MAP2K4: variants seen among roughly 807,000 people sequenced by gnomAD.
MAP2K4 encodes the protein dual specificity mitogen-activated protein kinase kinase 4.
In MAP2K4, 4 loss-of-function variants were observed where a neutral mutation model predicts 48.5. The ratio of observed to expected loss-of-function variants is 0.08; its 90% CI spans 0.04 to 0.19. The LOEUF is 0.19. Among genes scored for constraint, MAP2K4 ranks in the 10% least tolerant of loss-of-function variants. The pLI is 1.00. For synonymous variants in MAP2K4, 166 were observed against 173.1 expected, an observed-to-expected ratio of 0.96 and a Z score of 0.32; for missense variants, 258 against 493.3, an observed-to-expected ratio of 0.52 and a Z score of 4.52.
chr17:12,140,997 G>T, intron 10 of MAP2K4, 150 bp from the exon 11 acceptor site: 1 of 626,422 alleles, frequency 1.6e-6, no homozygotes, highest in Non-Finnish European at 2.9e-6. Flanking sequence ...AATAAAGGCT[G>T]TACTCGCCTC....
chr17:12,071,814 G>T (rs1970819631), intron 2 of MAP2K4, among the ~76,000 whole-genome samples: 1 of 152,166 alleles, frequency 6.6e-6, no homozygotes, highest in Non-Finnish European at 1.5e-5. Context: ...TTTGTTGAGA[G>T]CCTTTTTGTC....
At chr17:12,039,125 C>A (rs1969696048) in intron 1 of MAP2K4, among the ~76,000 whole-genome samples, 1 of 152,204 alleles carries the variant, frequency 6.6e-6, no homozygotes. Flanking sequence ...AAACCTAAAA[C>A]TCTCCTGGCC....
intron 8 of MAP2K4, among the ~76,000 whole-genome samples, chr17:12,126,715 C>T (rs765515398): frequency 6.6e-6 from 1 of 152,240 alleles, no homozygotes; most frequent in Non-Finnish European, 1.5e-5. Context: ...TGGGGACACA[C>T]AAACATTCAG....
chr17:12,105,287 A>G (rs765554020), intron 4 of MAP2K4, among the ~76,000 whole-genome samples: 6 of 152,048 alleles, frequency 3.9e-5, no homozygotes, highest in African/African-American at 4.8e-5. Context: ...GAATCTTCAC[A>G]TTTGTAATCA....
intron 1 of MAP2K4, among the ~76,000 whole-genome samples, chr17:12,036,889 C>T (rs780177995): frequency 7.7e-6 from 1 of 130,300 alleles, no homozygotes; most frequent in East Asian, 2.9e-4. Flanking sequence ...TATCACTATC[C>T]TCCCCCCCGC....
Position 12,095,643 on chromosome 17 carries a change from G to T in MAP2K4, c.462G>T (p.Arg154=). Residue 154 remains arginine, a synonymous_variant, in exon 4 of 11, where the codon CGG becomes CGT. Coordinates refer to ENST00000353533, the MANE Select transcript of MAP2K4 (RefSeq NM_003010.4). ...QLLMDLDVVM[R]SSDCPYIVQF... ...TTATGGATTTGGATGTAGTAATGCG[G>T]AGTAGTGATTGCCCATACATTGTTC... The T allele has an allele frequency of 1.2e-6, 2 of 1,613,968 alleles. No individual in the cohort carries two copies. Among genetic ancestry groups the T allele is most frequent in the Non-Finnish European group, 8.5e-7 (1 of 1,179,932 alleles).
At chr17:12,024,196 A>G (rs1432549348) in intron 1 of MAP2K4, among the ~76,000 whole-genome samples, 6 of 152,198 alleles carry the variant, frequency 3.9e-5, no homozygotes, top group East Asian at 1.9e-4. Context: ...ATGAATTACA[A>G]TGTGAACGAT....
chr17:12,047,163 G>T (rs950739943), intron 1 of MAP2K4, among the ~76,000 whole-genome samples: 26 of 148,718 alleles, frequency 1.7e-4, no homozygotes, highest in Middle Eastern at 3.5e-3. Flanking sequence ...GAATTATTTT[G>T]TTTTTTTTTT....
chr17:12,128,833 A>G (rs1972939740), intron 8 of MAP2K4, among the ~76,000 whole-genome samples: 1 of 152,242 alleles, frequency 6.6e-6, no homozygotes, highest in African/African-American at 2.4e-5. Context: ...CTTATAAAGA[A>G]GTCAGAACCA....
intron 9 of MAP2K4, among the ~76,000 whole-genome samples, chr17:12,137,312 AACTT>A (rs563388210): frequency 1.2e-3 from 180 of 152,368 alleles, no homozygotes; most frequent in Non-Finnish European, 1.2e-3. Context: ...ATGGAACAGA[AACTT>A]ACTTTAAGTT....
chr17:12,124,881 T>C (rs1235046430), intron 7 of MAP2K4: 1 of 167,310 alleles, frequency 6.0e-6, no homozygotes, highest in Non-Finnish European at 1.3e-5. Flanking sequence ...TTCACCGTGT[T>C]AGCCAGGATG....
rs545209371 is a variant in MAP2K4 at position 12,036,595 on chromosome 17, T to C, written c.115+15594T>C. On this transcript the variant is annotated intron_variant, in intron 1 of 10. Transcript: ENST00000353533. ...GATGTTGATTCCTCATGAAGAGCAG[T>C]TGAGTTGCCCAATGTGTGCCACTCA... The C allele has an allele frequency of 1.1e-4, 17 of 152,340 alleles. 1 individual carries two copies. Among genetic ancestry groups the C allele is most frequent in the African/African-American group, 4.1e-4 (17 of 41,584 alleles). The allele number at this position is 152,340 out of a possible 1,614,324, so 9.4% of individuals were successfully genotyped here.
chr17:12,074,129 G>A (rs1415630295), intron 2 of MAP2K4, among the ~76,000 whole-genome samples: 6 of 152,028 alleles, frequency 3.9e-5, no homozygotes, highest in South Asian at 2.1e-4. Flanking sequence ...TGTCTTCCAC[G>A]TCTATATTTA....
In MAP2K4 at chr17:12,050,146, C is replaced by T. The variant is rs560234075; in HGVS notation, c.116-4743C>T. ...AGTGATTGTAGTTCTCTGATTCTGA[C>T]CATACAGGTAACAGAATCTTGCTTT... On this transcript the variant is annotated intron_variant, in intron 1 of 10. Transcript: ENST00000353533. 1.3e-4 allele frequency among the ~76,000 whole-genome samples: 20 copies of T among 152,198 alleles called. No homozygotes were observed. The South Asian group carries it at 4.2e-3, about 32-fold the overall frequency.
In MAP2K4 at chr17:12,020,895, T is replaced by C. The variant is rs2151500780; in HGVS notation, c.9T>C (p.Ala3=). MA[A]PSPSGGGGSG... ...GCTCTTCACTCCCAACAATGGCGGC[T>C]CCGAGCCCGAGCGGCGGCGGCGGCT... Residue 3 remains alanine, a synonymous_variant, in exon 1 of 11, where the codon GCT becomes GCC. Coordinates refer to ENST00000353533, the MANE Select transcript of MAP2K4 (RefSeq NM_003010.4). 8.4e-7 allele frequency: 1 copy of C among 1,190,506 alleles called. No individual in the cohort carries two copies. The highest frequency in any genetic ancestry group is 1.0e-6 in the Non-Finnish European group (1 of 961,596). 73.7% of individuals were successfully genotyped at this position (1,190,506 alleles called of 1,614,324 possible). A position where few individuals can be genotyped will look rare whatever the true frequency, so the allele number is the denominator to read the frequency against.
At chr17:12,119,760 A>G (rs1319230453) in intron 7 of MAP2K4, among the ~76,000 whole-genome samples, 1 of 152,242 alleles carries the variant, frequency 6.6e-6, no homozygotes, top group Non-Finnish European at 1.5e-5. Context: ...CATCAGTGGA[A>G]GACTGGATAA....
intron 4 of MAP2K4, among the ~76,000 whole-genome samples, chr17:12,103,222 T>C (rs1971998092): frequency 6.6e-6 from 1 of 150,926 alleles, no homozygotes; most frequent in African/African-American, 2.4e-5. Context: ...ATTTTTTTTT[T>C]TTTTTTTGGA....
chr17:12,078,952 GA>G (rs1971099987), intron 2 of MAP2K4, among the ~76,000 whole-genome samples: 2 of 152,204 alleles, frequency 1.3e-5, no homozygotes, highest in Non-Finnish European at 2.9e-5. Context: ...ACGAATGTAT[GA>G]ACATGCCTTG....
At chr17:12,128,312 C>T (rs1972918498) in intron 8 of MAP2K4, among the ~76,000 whole-genome samples, 1 of 152,208 alleles carries the variant, frequency 6.6e-6, no homozygotes, top group East Asian at 1.9e-4. Context: ...CTCCTGACCT[C>T]CTGATCCACC....
Sources: gnomAD v4.1 joint callset for allele counts (sites outside exome capture counted in the v4.1 genomes callset) on GRCh38, gnomAD v4.1.1 for gene constraint, MANE v1.5 for transcripts, NCBI Gene and HGNC (gene_info 2026-07-23, HGNC 2026-07-21) for gene names.